The following PDE4D variants were observed in gnomAD, a reference collection of about 807,000 sequenced individuals.
PDE4D encodes phosphodiesterase 4D, also known as 3',5'-cyclic-AMP phosphodiesterase 4D.
In PDE4D, 24 loss-of-function variants were observed where a neutral mutation model predicts 87.4. The ratio of observed to expected loss-of-function variants is 0.27; its 90% CI spans 0.20 to 0.39. The LOEUF is 0.39. PDE4D is among the 10% of genes least tolerant of loss of function. PDE4D has a pLI of 1.00. For synonymous variants in PDE4D, 384 were observed against 383.2 expected, an observed-to-expected ratio of 1.00 and a Z score of -0.02; for missense variants, 714 against 1,041.0, an observed-to-expected ratio of 0.69 and a Z score of 4.32.
intron 1 of PDE4D, among the ~76,000 whole-genome samples, chr5:59,442,185 G>A (rs1475413504): frequency 6.6e-6 from 1 of 152,160 alleles, no homozygotes; most frequent in Non-Finnish European, 1.5e-5. Context: ...TGAGAGAGAA[G>A]TAAAAGAAAT....
chr5:59,978,724 G>T (rs1582012442), intron 3 of PDE4D, among the ~76,000 whole-genome samples: 2 of 152,258 alleles, frequency 1.3e-5, no homozygotes, highest in South Asian at 2.1e-4. Context: ...ATGCTACAGA[G>T]AAATTGTTCA....
intron 1 of PDE4D, among the ~76,000 whole-genome samples, chr5:60,409,395 G>T (rs971903541): frequency 7.9e-5 from 12 of 152,114 alleles, no homozygotes; most frequent in Non-Finnish European, 1.2e-4. Context: ...GGTGAGAATT[G>T]TGAGAGGCGG....
chr5:60,516,925 G>A (rs1231945004), intron 1 of PDE4D, among the ~76,000 whole-genome samples: 2 of 152,158 alleles, frequency 1.3e-5, no homozygotes, highest in East Asian at 1.9e-4. Flanking sequence ...CTGAGTGTGA[G>A]GGGTGGGAGT....
At chr5:59,489,730 C>T (rs1288837355) in intron 1 of PDE4D, among the ~76,000 whole-genome samples, 5 of 152,098 alleles carry the variant, frequency 3.3e-5, no homozygotes, top group African/African-American at 9.7e-5. Context: ...CAAAATGACT[C>T]ATTAAGGAAA....
intron 5 of PDE4D, among the ~76,000 whole-genome samples, chr5:59,127,606 CCCCCCCACCCCCCACCTCA>C (rs1369089493): frequency 2.2e-5 from 2 of 90,382 alleles, no homozygotes; most frequent in Non-Finnish European, 5.2e-5. Context: ...TCCCTCCCCA[CCCCCCCACCCCCCACCTCA>C]CCCCCCACAC....
intron 1 of PDE4D, chr5:59,275,508 G>A: frequency 6.7e-7 from 1 of 1,485,250 alleles, no homozygotes; most frequent in Non-Finnish European, 8.9e-7. Flanking sequence ...TTCCAAGGGA[G>A]GCTGCTTGAA....
intron 1 of PDE4D, among the ~76,000 whole-genome samples, chr5:59,551,618 A>C (rs903836061): frequency 3.9e-5 from 6 of 152,048 alleles, no homozygotes; most frequent in Admixed American, 3.9e-4. Context: ...TGTTACTGTA[A>C]TTTTTATGAT....
chr5:60,009,939 T>C (rs1426173472), intron 2 of PDE4D, among the ~76,000 whole-genome samples: 2 of 152,124 alleles, frequency 1.3e-5, no homozygotes, highest in African/African-American at 4.8e-5. Flanking sequence ...ATTTTGGTTA[T>C]GTGGCTAATG....
chr5:59,155,457 G>A (rs187206830), intron 5 of PDE4D, among the ~76,000 whole-genome samples: 21 of 152,290 alleles, frequency 1.4e-4, no homozygotes, highest in Admixed American at 5.9e-4. Context: ...AACCAAGGGA[G>A]GGCAGCTGGA....
intron 1 of PDE4D, among the ~76,000 whole-genome samples, chr5:59,770,681 T>C (rs189575091): frequency 1.3e-5 from 2 of 152,096 alleles, no homozygotes; most frequent in East Asian, 3.9e-4. Flanking sequence ...ATTCAGATGA[T>C]AGGATAAGTG....
intron 1 of PDE4D, among the ~76,000 whole-genome samples, chr5:60,407,313 C>G (rs1338943965): frequency 6.6e-6 from 1 of 151,972 alleles, no homozygotes; most frequent in African/African-American, 2.4e-5. Context: ...AAAAGCAGGG[C>G]ACATGTGCAG....
intron 5 of PDE4D, among the ~76,000 whole-genome samples, chr5:59,103,568 C>T (rs1446487258): frequency 6.6e-6 from 1 of 152,092 alleles, no homozygotes; most frequent in Non-Finnish European, 1.5e-5. Flanking sequence ...CAGAAGCTGT[C>T]TCCTTTAAAC....
chr5:60,437,222 A>C (rs958027030), intron 1 of PDE4D, among the ~76,000 whole-genome samples: 1 of 152,076 alleles, frequency 6.6e-6, no homozygotes, highest in African/African-American at 2.4e-5. Flanking sequence ...GGTTGGGCAC[A>C]AGCTTTGGAA....
rs1342113546 is a variant in PDE4D at position 59,171,764 on chromosome 5, C to CTATA, written c.808+8830_808+8831insTATA. On this transcript the variant is annotated intron_variant, in intron 5 of 14. Coordinates refer to ENST00000340635, the MANE Select transcript of PDE4D (RefSeq NM_001104631.2). Reference sequence around the variant, plus strand: ...CTAGGTAGAGCCACTGGCTCTCTCTCTCTCTATATATGAATACATATTCAT... The same window carrying CTATA: ...CTAGGTAGAGCCACTGGCTCTCTCTCTATATCTCTATATATGAATACATATTCAT... 1.3e-3 allele frequency among the ~76,000 whole-genome samples: 180 copies of CTATA among 137,186 alleles called. 1 individual carries two copies. The highest frequency in any genetic ancestry group is 4.8e-3 in the African/African-American group (166 of 34,744). 90.0% of individuals were successfully genotyped at this position (137,186 alleles called of 152,430 possible).
intron 5 of PDE4D, among the ~76,000 whole-genome samples, chr5:59,158,816 G>C (rs1179991664): frequency 6.6e-6 from 1 of 152,216 alleles, no homozygotes; most frequent in Non-Finnish European, 1.5e-5. Context: ...TGAGGTCATT[G>C]CTCTTTCCTG....
In PDE4D at chr5:59,380,388, C is replaced by CAAA. The variant is rs10574102; in HGVS notation, c.456-164423_456-164421dup. ...ATTTTATGAAAGGGCCAAAAGCAAT[C>CAAA]AAAAAAAAAAAAAAAAAAGAGAGAG... On this transcript the variant is annotated intron_variant, in intron 1 of 14. Coordinates refer to ENST00000340635, the MANE Select transcript of PDE4D (RefSeq NM_001104631.2). 5.4e-3 allele frequency among the ~76,000 whole-genome samples: 589 copies of CAAA among 108,888 alleles called. 7 individuals are homozygous for CAAA. Among genetic ancestry groups the CAAA allele is most frequent in the African/African-American group, 0.015 (448 of 29,388 alleles). The allele number at this position is 108,888 out of a possible 152,430, so 71.4% of individuals were successfully genotyped here. A position where few individuals can be genotyped will look rare whatever the true frequency, so the allele number is the denominator to read the frequency against.
intron 1 of PDE4D, among the ~76,000 whole-genome samples, chr5:59,812,483 G>T (rs1768467157): frequency 2.0e-5 from 3 of 152,140 alleles, no homozygotes; most frequent in Non-Finnish European, 4.4e-5. Context: ...GACCAGCCTG[G>T]CCAACATGGT....
intron 1 of PDE4D, among the ~76,000 whole-genome samples, chr5:59,838,713 T>C (rs1217853273): frequency 1.3e-5 from 2 of 152,078 alleles, no homozygotes; most frequent in Non-Finnish European, 2.9e-5. Flanking sequence ...TTAGTGCCTA[T>C]AGAATGCTTT....
intron 2 of PDE4D, among the ~76,000 whole-genome samples, chr5:60,156,629 T>C (rs1298401187): frequency 6.6e-6 from 1 of 152,172 alleles, no homozygotes; most frequent in Non-Finnish European, 1.5e-5. Context: ...AAAGTTTCAT[T>C]CTGGAACACT....
Sources: gnomAD v4.1 joint callset for allele counts (sites outside exome capture counted in the v4.1 genomes callset) on GRCh38, gnomAD v4.1.1 for gene constraint, MANE v1.5 for transcripts, NCBI Gene and HGNC (gene_info 2026-07-23, HGNC 2026-07-21) for gene names.